FGF14: variants seen among roughly 807,000 people sequenced by gnomAD.
FGF14 encodes the protein fibroblast growth factor homologous factor 4.
FGF14 carries 5 observed loss-of-function variants against 25.5 expected under a neutral mutation model. The ratio of observed to expected loss-of-function variants is 0.20; its 90% confidence interval spans 0.10 to 0.41. The LOEUF is 0.41. Among genes scored for constraint, FGF14 ranks in the 10% least tolerant of loss-of-function variants. The probability of loss-of-function intolerance (pLI) is 1.00; values close to 1 mark genes in which losing one functional copy is unlikely to be tolerated. For missense variants in FGF14, 222 were observed against 320.1 expected (o/e 0.69, Z 2.34); for synonymous variants, 138 against 118.3 (o/e 1.17, Z -1.08).
At chr13:102,359,696 T>C (rs1488494496) in intron 1 of FGF14, among the ~76,000 whole-genome samples, 1 of 152,178 alleles carries the variant, frequency 6.6e-6, no homozygotes, top group Admixed American at 6.5e-5. Flanking sequence ...TATATCTCAG[T>C]GAAATTCTCT....
chr13:101,991,540 C>T (rs548942949), intron 1 of FGF14, among the ~76,000 whole-genome samples: 13 of 152,128 alleles, frequency 8.5e-5, no homozygotes, highest in African/African-American at 1.7e-4. Context: ...CTCCCATTCT[C>T]GTAACAAGAA....
At chr13:102,180,033 C>CA (rs894132043) in intron 1 of FGF14, among the ~76,000 whole-genome samples, 44 of 150,762 alleles carry the variant, frequency 2.9e-4, no homozygotes, top group South Asian at 6.3e-4. Flanking sequence ...ACTGCTAATG[C>CA]AAAAAAAAAT....
intron 1 of FGF14, among the ~76,000 whole-genome samples, chr13:102,012,009 G>T (rs2040106492): frequency 6.6e-6 from 1 of 152,174 alleles, no homozygotes; most frequent in African/African-American, 2.4e-5. Flanking sequence ...ATGTTTGTTT[G>T]TTGAGATTTT....
At chr13:102,345,224 T>C (rs2138933162) in intron 1 of FGF14, among the ~76,000 whole-genome samples, 1 of 152,318 alleles carries the variant, frequency 6.6e-6, no homozygotes, top group East Asian at 1.9e-4. Context: ...CAATATTACT[T>C]AAGAATATTG....
In FGF14 at chr13:102,190,450, C is replaced by T. The variant is rs946978377; in HGVS notation, c.208+211021G>A. ...TTACTGGCCTCTAGTTGGTAGAGTCCAGGGATATTGTTAAGGATCCTACAA... is the reference window on the plus strand; with the variant it reads ...TTACTGGCCTCTAGTTGGTAGAGTCTAGGGATATTGTTAAGGATCCTACAA... On this transcript the variant is annotated intron_variant, in intron 1 of 4. Transcript: ENST00000376131. Among the ~76,000 whole-genome samples, 89 of 152,050 alleles carry T rather than the reference C, an allele frequency of 5.9e-4. 1 individual carries two copies. Among genetic ancestry groups the T allele is most frequent in the Admixed American group, 5.4e-3 (83 of 15,256 alleles).
chr13:101,889,796 G>T (rs1299692810), intron 1 of FGF14, among the ~76,000 whole-genome samples: 1 of 152,214 alleles, frequency 6.6e-6, no homozygotes, highest in African/African-American at 2.4e-5. Flanking sequence ...TGGTTAATGA[G>T]AGAGAGTTGA....
chr13:101,872,920 A>T (rs1359482973), intron 2 of FGF14, among the ~76,000 whole-genome samples: 1 of 151,956 alleles, frequency 6.6e-6, no homozygotes, highest in African/African-American at 2.4e-5. Flanking sequence ...TACAAAGGGG[A>T]TCCTGTTTCA....
intron 3 of FGF14, among the ~76,000 whole-genome samples, chr13:101,842,767 C>T (rs1472519735): frequency 6.6e-6 from 1 of 151,992 alleles, no homozygotes; most frequent in Non-Finnish European, 1.5e-5. Context: ...AGTCTTTTGC[C>T]TGAAGCATTG....
Position 102,170,965 on chromosome 13 carries a change from T to G in FGF14, c.208+230506A>C, listed in dbSNP as rs184978362. Among the ~76,000 whole-genome samples, 526 of 152,300 alleles carry G rather than the reference T, an allele frequency of 3.5e-3. 2 individuals are homozygous for G. Among genetic ancestry groups the G allele is most frequent in the African/African-American group, 0.011 (468 of 41,578 alleles). Reference sequence around the variant, plus strand: ...CAAAAAACAATGTAAAGCATTGCTTTAAAATCTTTAACAATGAAAGCTTAA... The same window carrying G: ...CAAAAAACAATGTAAAGCATTGCTTGAAAATCTTTAACAATGAAAGCTTAA... On this transcript the variant is annotated intron_variant, in intron 1 of 4. Coordinates refer to the FGF14 transcript ENST00000376131.
At chr13:101,837,845 G>A (rs564038915) in intron 3 of FGF14, among the ~76,000 whole-genome samples, 44 of 152,150 alleles carry the variant, frequency 2.9e-4, no homozygotes, top group African/African-American at 1.0e-3. Context: ...TGCCAAAAGA[G>A]ATTAACATTT....
chr13:102,319,516 G>A (rs2056163658), intron 1 of FGF14, among the ~76,000 whole-genome samples: 1 of 152,218 alleles, frequency 6.6e-6, no homozygotes, highest in African/African-American at 2.4e-5. Context: ...CAGCATGGCT[G>A]CGCTATGGTG....
chr13:102,260,794 T>A (rs2052681255), intron 1 of FGF14, among the ~76,000 whole-genome samples: 1 of 152,208 alleles, frequency 6.6e-6, no homozygotes, highest in Admixed American at 6.5e-5. Context: ...CTCACCTCCC[T>A]CTTGTGAGAC....
At chr13:102,183,188 G>A (rs2048743568) in intron 1 of FGF14, among the ~76,000 whole-genome samples, 1 of 151,920 alleles carries the variant, frequency 6.6e-6, no homozygotes, top group Non-Finnish European at 1.5e-5. Context: ...ATAAATATTT[G>A]CCTATAAAAA....
intron 1 of FGF14, among the ~76,000 whole-genome samples, chr13:102,379,912 T>C (rs1193829717): frequency 3.3e-5 from 5 of 152,134 alleles, no homozygotes; most frequent in African/African-American, 1.2e-4. Context: ...GCCAGCTAGG[T>C]CTCTGAAAGC....
chr13:101,829,871 C>T (rs564992129), intron 3 of FGF14, among the ~76,000 whole-genome samples: 2 of 152,176 alleles, frequency 1.3e-5, no homozygotes, highest in South Asian at 4.1e-4. Flanking sequence ...GGCTCTTCAC[C>T]TCCATTTTTC....
At chr13:101,975,059 G>A (rs748926164) in intron 1 of FGF14, among the ~76,000 whole-genome samples, 9 of 152,024 alleles carry the variant, frequency 5.9e-5, no homozygotes, top group Non-Finnish European at 8.8e-5. Flanking sequence ...GAAGGGATGC[G>A]TTGATTGAGG....
intron 1 of FGF14, among the ~76,000 whole-genome samples, chr13:102,272,870 C>T (rs1468576780): frequency 1.3e-5 from 2 of 152,096 alleles, no homozygotes; most frequent in Admixed American, 6.5e-5. Context: ...ATGTACATCT[C>T]ATTTTAAAAT....
chr13:102,155,888 C>G (rs2047309989), intron 1 of FGF14, among the ~76,000 whole-genome samples: 1 of 152,172 alleles, frequency 6.6e-6, no homozygotes, highest in African/African-American at 2.4e-5. Flanking sequence ...CACCTCTACA[C>G]AAATAAACTA....
At chr13:101,999,849 C>T (rs981762961) in intron 1 of FGF14, among the ~76,000 whole-genome samples, 2 of 152,096 alleles carry the variant, frequency 1.3e-5, no homozygotes, top group African/African-American at 4.8e-5. Flanking sequence ...GTGGTTCACA[C>T]TATTTCTTCT....
Sources: gnomAD v4.1 joint callset for allele counts (sites outside exome capture counted in the v4.1 genomes callset) on GRCh38, gnomAD v4.1.1 for gene constraint, MANE v1.5 for transcripts, NCBI Gene and HGNC (gene_info 2026-07-23, HGNC 2026-07-21) for gene names.